CACNA2D3: variants seen among roughly 807,000 people sequenced by gnomAD.
The protein encoded by CACNA2D3 is calcium voltage-gated channel auxiliary subunit alpha2delta 3, also known as voltage-dependent calcium channel subunit alpha-2/delta-3.
A neutral mutation model predicts 160.6 loss-of-function variants in CACNA2D3; 60 were observed. The observed-to-expected ratio is 0.37, with a 90% CI of 0.30 to 0.46. CACNA2D3 has a LOEUF of 0.46. CACNA2D3 is among the 20% of genes least tolerant of loss of function. The probability of loss-of-function intolerance (pLI) is 1.00; values close to 1 mark genes in which losing one functional copy is unlikely to be tolerated. For synonymous variants in CACNA2D3, 558 were observed against 492.9 expected (o/e 1.13, Z -1.75); for missense variants, 1,205 against 1,365.0 (o/e 0.88, Z 1.85).
At chr3:54,354,958 C>T (rs1403680132) in intron 3 of CACNA2D3, among the ~76,000 whole-genome samples, 1 of 152,194 alleles carries the variant, frequency 6.6e-6, no homozygotes, top group African/African-American at 2.4e-5. Context: ...GTTTTTATTC[C>T]TTCAACAAAA....
intron 2 of CACNA2D3, among the ~76,000 whole-genome samples, chr3:54,168,729 A>G (rs1700503353): frequency 6.6e-6 from 1 of 152,206 alleles, no homozygotes; most frequent in South Asian, 2.1e-4. Flanking sequence ...TGAATTAACA[A>G]CTGATGCAAA....
At chr3:54,306,328 T>TGAGAGAGAGAGAGAGAGA (rs140311356) in intron 2 of CACNA2D3, among the ~76,000 whole-genome samples, 12,122 of 151,156 alleles carry the variant, frequency 0.08, 647 homozygotes, top group Non-Finnish European at 0.12. Flanking sequence ...TGTGTGTATA[T>TGAGAGAGAGAGAGAGAGA]GAGAGAGAGA....
intron 5 of CACNA2D3, among the ~76,000 whole-genome samples, chr3:54,549,556 T>G (rs541727522): frequency 6.6e-6 from 1 of 152,362 alleles, no homozygotes; most frequent in East Asian, 1.9e-4. Context: ...GTGCCGTGTC[T>G]GGGCCCACGG....
At chr3:55,023,854 G>A (rs1703509511) in intron 35 of CACNA2D3, among the ~76,000 whole-genome samples, 1 of 151,102 alleles carries the variant, frequency 6.6e-6, no homozygotes, top group South Asian at 2.1e-4. Flanking sequence ...GGCAATATTG[G>A]TTTTCCTATT....
chr3:55,064,213 C>G (rs1176333667), intron 35 of CACNA2D3, among the ~76,000 whole-genome samples: 1 of 152,208 alleles, frequency 6.6e-6, no homozygotes, highest in African/African-American at 2.4e-5. Flanking sequence ...GCTTGCTGTC[C>G]CTACTCATGG....
chr3:54,936,903 A>G (rs946462274), intron 27 of CACNA2D3, among the ~76,000 whole-genome samples: 2 of 152,096 alleles, frequency 1.3e-5, no homozygotes, highest in African/African-American at 4.8e-5. Context: ...GGAGAAAATA[A>G]ACTCCGTGTA....
chr3:54,661,062 T>C (rs915572913), intron 11 of CACNA2D3, among the ~76,000 whole-genome samples: 2 of 152,036 alleles, frequency 1.3e-5, no homozygotes, highest in South Asian at 2.1e-4. Context: ...CATGTGGAAA[T>C]CTGTGCTGGA....
intron 2 of CACNA2D3, among the ~76,000 whole-genome samples, chr3:54,161,430 T>G (rs1333125719): frequency 6.6e-6 from 1 of 152,244 alleles, no homozygotes; most frequent in Non-Finnish European, 1.5e-5. Context: ...ACATGTTAGT[T>G]CCCCTTGGAG....
chr3:54,192,077 C>G (rs1559877526), intron 2 of CACNA2D3, among the ~76,000 whole-genome samples: 1 of 150,434 alleles, frequency 6.6e-6, no homozygotes, highest in Non-Finnish European at 1.5e-5. Context: ...CTTGTGCCAT[C>G]AATAATGAGG....
At chr3:55,041,080 C>G (rs989242270) in intron 35 of CACNA2D3, among the ~76,000 whole-genome samples, 1 of 152,142 alleles carries the variant, frequency 6.6e-6, no homozygotes, top group African/African-American at 2.4e-5. Flanking sequence ...TGCCACTGAT[C>G]TTTCCTCATA....
At chr3:54,530,345 T>C (rs1701787746) in intron 5 of CACNA2D3, among the ~76,000 whole-genome samples, 1 of 152,130 alleles carries the variant, frequency 6.6e-6, no homozygotes, top group Admixed American at 6.5e-5. Flanking sequence ...AGATGCAAGA[T>C]TTGATGAGCC....
chr3:54,979,875 G>A (rs1388912436), intron 29 of CACNA2D3, among the ~76,000 whole-genome samples: 1 of 152,096 alleles, frequency 6.6e-6, no homozygotes, highest in Non-Finnish European at 1.5e-5. Flanking sequence ...ATGATAAAAA[G>A]TCTTAGGACA....
intron 5 of CACNA2D3, among the ~76,000 whole-genome samples, chr3:54,536,647 A>G (rs1701894016): frequency 6.6e-6 from 1 of 152,198 alleles, no homozygotes; most frequent in African/African-American, 2.4e-5. Flanking sequence ...GTGGCCAGTG[A>G]ACAGACTGGC....
chr3:54,959,236 G>A (rs1575407768), intron 27 of CACNA2D3, among the ~76,000 whole-genome samples: 1 of 152,170 alleles, frequency 6.6e-6, no homozygotes, highest in South Asian at 2.1e-4. Flanking sequence ...TGGAGACTGC[G>A]GCACAGGGTG....
chr3:54,714,207 T>A (rs604132), intron 11 of CACNA2D3, among the ~76,000 whole-genome samples: 55,901 of 152,062 alleles, frequency 0.37, 11,363 homozygotes, highest in East Asian at 0.5. Context: ...TCACTGGGCC[T>A]GGAAACAAGG....
intron 35 of CACNA2D3, among the ~76,000 whole-genome samples, chr3:55,040,148 C>T (rs929292427): frequency 6.6e-6 from 1 of 152,098 alleles, no homozygotes; most frequent in Non-Finnish European, 1.5e-5. Context: ...GCAGGTTCGT[C>T]TCTGGTTTCT....
At position 54,811,263 on chromosome 3, in the gene CACNA2D3, C is replaced by T. The variant is rs2951879; in HGVS notation, c.1381-5590C>T. Among the ~76,000 whole-genome samples the T allele has an allele frequency of 7.8e-3, 1,187 of 152,246 alleles. 23 individuals are homozygous for T. Among genetic ancestry groups the T allele is most frequent in the African/African-American group, 0.026 (1,069 of 41,544 alleles). On this transcript the variant is annotated intron_variant, in intron 13 of 37. Coordinates refer to ENST00000474759, the MANE Select transcript of CACNA2D3 (RefSeq NM_018398.3). ...ACTGTGCTTCTCCCATACTCATCTT[C>T]TCAGTATGCCTCTCCCATAGTCATC...
In CACNA2D3 at chr3:54,879,342, CA is replaced by C. The variant is rs766077838; in HGVS notation, c.1783-6del. 1.4e-6 allele frequency: 2 copies of C among 1,457,782 alleles called. No individual in the cohort carries two copies. Among genetic ancestry groups the C allele is most frequent in the Non-Finnish European group, 1.8e-6 (2 of 1,086,630 alleles). The allele number at this position is 1,457,782 out of a possible 1,614,324, so 90.3% of individuals were successfully genotyped here. A position where few individuals can be genotyped will look rare whatever the true frequency, so the allele number is the denominator to read the frequency against. ...TTCTCTACGACTTTTTTTTTTTTTT[CA>C]ATCTAGAAACGGGTTTTGGTGATGA... On this transcript the variant is annotated splice_polypyrimidine_tract_variant and splice_region_variant and intron_variant, in intron 19 of 37. Coordinates refer to ENST00000474759, the MANE Select transcript of CACNA2D3 (RefSeq NM_018398.3).
intron 10 of CACNA2D3, among the ~76,000 whole-genome samples, chr3:54,636,220 C>T (rs567730171): frequency 6.6e-6 from 1 of 151,852 alleles, no homozygotes; most frequent in Non-Finnish European, 1.5e-5. Context: ...GGCGATTAGG[C>T]CTGGTGGAAC....
Sources: gnomAD v4.1 joint callset for allele counts (sites outside exome capture counted in the v4.1 genomes callset) on GRCh38, gnomAD v4.1.1 for gene constraint, MANE v1.5 for transcripts, NCBI Gene and HGNC (gene_info 2026-07-23, HGNC 2026-07-21) for gene names.